The following ASAP1 variants were observed in gnomAD, a reference collection of about 807,000 sequenced individuals.
The protein encoded by ASAP1 is ArfGAP with SH3 domain, ankyrin repeat and PH domain 1, also known as arf-GAP with SH3 domain, ANK repeat and PH domain-containing protein 1.
A neutral mutation model predicts 145.2 loss-of-function variants in ASAP1; 43 were observed. The ratio of observed to expected loss-of-function variants is 0.30; its 90% CI spans 0.23 to 0.38. The LOEUF (loss-of-function observed/expected upper bound fraction) is 0.38. Among genes scored for constraint, ASAP1 ranks in the 10% least tolerant of loss-of-function variants. The pLI, the probability that ASAP1 is intolerant of heterozygous loss-of-function variation, is 1.00. For missense variants in ASAP1, 1,018 were observed against 1,355.3 expected (o/e 0.75, Z 3.91); for synonymous variants, 546 against 515.5 (o/e 1.06, Z -0.80).
rs1178624213 is a variant in ASAP1, at chr8:130,053,353, T to C, written c.*1378A>G. 1.3e-5 allele frequency: 2 copies of C among 152,260 alleles called. No individual in the cohort carries two copies. Among genetic ancestry groups the C allele is most frequent in the Admixed American group, 6.5e-5 (1 of 15,284 alleles). The allele number at this position is 152,260 out of a possible 1,614,324, so 9.4% of individuals were successfully genotyped here. A position where few individuals can be genotyped will look rare whatever the true frequency, so the allele number is the denominator to read the frequency against. On this transcript the variant is annotated 3_prime_UTR_variant, in exon 30 of 30. Coordinates refer to ENST00000518721, the MANE Select transcript of ASAP1 (RefSeq NM_018482.4). ...AGTTCCACTGACTGTGGAGTACAACTATTGCATTCTTTTCCAAAATTCAGA... is the reference window on the plus strand; with the variant it reads ...AGTTCCACTGACTGTGGAGTACAACCATTGCATTCTTTTCCAAAATTCAGA...
intron 3 of ASAP1, among the ~76,000 whole-genome samples, chr8:130,352,058 A>G (rs1826027195): frequency 1.3e-5 from 2 of 152,364 alleles, no homozygotes; most frequent in African/African-American, 4.8e-5. Flanking sequence ...GCCTGGGCAC[A>G]GAGCCTTGAC....
chr8:130,279,395 G>C (rs1322669059), intron 3 of ASAP1, among the ~76,000 whole-genome samples: 1 of 152,170 alleles, frequency 6.6e-6, no homozygotes, highest in Non-Finnish European at 1.5e-5. Context: ...GGGAATGTGA[G>C]GACTGGCTCA....
intron 24 of ASAP1, among the ~76,000 whole-genome samples, chr8:130,109,234 C>T (rs960865532): frequency 3.3e-5 from 5 of 151,434 alleles, no homozygotes; most frequent in African/African-American, 9.8e-5. Flanking sequence ...CGAAGTGTTT[C>T]GGTATGGGGC....
intron 3 of ASAP1, among the ~76,000 whole-genome samples, chr8:130,281,578 T>TA (rs1208764001): frequency 6.6e-6 from 1 of 152,196 alleles, no homozygotes; most frequent in Non-Finnish European, 1.5e-5. Flanking sequence ...ATCCAAAGTG[T>TA]AAAAAATAGT....
At chr8:130,238,431 T>C (rs1438128673) in intron 3 of ASAP1, among the ~76,000 whole-genome samples, 1 of 152,128 alleles carries the variant, frequency 6.6e-6, no homozygotes, top group Non-Finnish European at 1.5e-5. Context: ...AAGGCATATG[T>C]CACTGTTAAC....
At chr8:130,376,386 T>C (rs1200248625) in intron 2 of ASAP1, among the ~76,000 whole-genome samples, 1 of 152,162 alleles carries the variant, frequency 6.6e-6, no homozygotes, top group Non-Finnish European at 1.5e-5. Flanking sequence ...TGTGGCTGTA[T>C]GCAGCTGGAG....
chr8:130,255,109 G>A (rs1461593979), intron 3 of ASAP1, among the ~76,000 whole-genome samples: 1 of 152,014 alleles, frequency 6.6e-6, no homozygotes, highest in Non-Finnish European at 1.5e-5. Context: ...TCTGTTCACA[G>A]ATCTCCCATA....
At chr8:130,071,909 G>A (rs1414423395) in intron 27 of ASAP1, among the ~76,000 whole-genome samples, 1 of 152,208 alleles carries the variant, frequency 6.6e-6, no homozygotes, top group African/African-American at 2.4e-5. Flanking sequence ...GCTATGATAT[G>A]TATTAGTTTT....
intron 25 of ASAP1, among the ~76,000 whole-genome samples, chr8:130,081,845 G>C (rs540401078): frequency 3.9e-4 from 60 of 152,246 alleles, no homozygotes; most frequent in African/African-American, 1.3e-3. Flanking sequence ...TAACAGCAAC[G>C]ACCGTTTACT....
At chr8:130,202,742 A>C (rs1815947928) in intron 5 of ASAP1, among the ~76,000 whole-genome samples, 2 of 152,228 alleles carry the variant, frequency 1.3e-5, no homozygotes, top group Admixed American at 1.3e-4. Flanking sequence ...AATCTGCCTC[A>C]GGTGACCTAG....
At chr8:130,338,410 G>C (rs1825170389) in intron 3 of ASAP1, among the ~76,000 whole-genome samples, 1 of 152,084 alleles carries the variant, frequency 6.6e-6, no homozygotes, top group Admixed American at 6.5e-5. Flanking sequence ...TCTGCATAGG[G>C]GAAGTATTCA....
intron 24 of ASAP1, 152 bp downstream of exon 24, chr8:130,111,942 G>GTCCC: frequency 1.4e-6 from 1 of 698,588 alleles, no homozygotes; most frequent in Non-Finnish European, 2.4e-6. Flanking sequence ...AAATGGCATG[G>GTCCC]TCCCTATTTC....
chr8:130,344,918 T>G (rs1044249731), intron 3 of ASAP1, among the ~76,000 whole-genome samples: 1 of 152,180 alleles, frequency 6.6e-6, no homozygotes, highest in African/African-American at 2.4e-5. Flanking sequence ...AAAACCCGTA[T>G]GTTTTAGTCC....
At chr8:130,064,893 ATGTGTGTG>A (rs34905534) in intron 27 of ASAP1, among the ~76,000 whole-genome samples, 13,505 of 142,568 alleles carry the variant, frequency 0.095, 742 homozygotes, top group South Asian at 0.23. Flanking sequence ...TTTACTAAGA[ATGTGTGTG>A]TGTGTGTGTG....
At chr8:130,135,070 T>C (rs903880747) in intron 14 of ASAP1, among the ~76,000 whole-genome samples, 2 of 152,162 alleles carry the variant, frequency 1.3e-5, no homozygotes, top group African/African-American at 4.8e-5. Flanking sequence ...TGGATGTACA[T>C]GAGGGAAGCT....
At chr8:130,215,889 C>T (rs183353376) in intron 4 of ASAP1, among the ~76,000 whole-genome samples, 54 of 150,096 alleles carry the variant, frequency 3.6e-4, no homozygotes, top group Non-Finnish European at 3.2e-4. Context: ...TGTGCCACTG[C>T]ACCCAGCCTG....
intron 3 of ASAP1, among the ~76,000 whole-genome samples, chr8:130,286,397 G>A (rs1043262467): frequency 1.3e-5 from 2 of 152,126 alleles, no homozygotes; most frequent in Non-Finnish European, 2.9e-5. Flanking sequence ...CACAGTTTAA[G>A]TCCATCACTT....
intron 17 of ASAP1, 84 bp downstream of exon 17, chr8:130,125,872 G>A: frequency 1.5e-6 from 2 of 1,362,464 alleles, no homozygotes; most frequent in Non-Finnish European, 2.0e-6. Flanking sequence ...GTACTCAGCA[G>A]ACATACAAAA....
chr8:130,072,825 G>GTGTGTGTGTGTGTGTGCGCGCGCA, intron 27 of ASAP1, among the ~76,000 whole-genome samples: 1 of 54,096 alleles, frequency 1.8e-5, no homozygotes. Context: ...GTGTGTGTGT[G>GTGTGTGTGTGTGTGTGCGCGCGCA]CGCGCGGGGG....
Sources: gnomAD v4.1 joint callset for allele counts (sites outside exome capture counted in the v4.1 genomes callset) on GRCh38, gnomAD v4.1.1 for gene constraint, MANE v1.5 for transcripts, NCBI Gene and HGNC (gene_info 2026-07-23, HGNC 2026-07-21) for gene names.